Variants in SYK observed in about 807,000 individuals in gnomAD.
SYK encodes spleen associated tyrosine kinase, also known as tyrosine-protein kinase SYK.
A neutral mutation model predicts 77.8 loss-of-function variants in SYK; 16 were observed. That is an observed-to-expected ratio of 0.21 (90% CI 0.14 to 0.31). The LOEUF (loss-of-function observed/expected upper bound fraction) is 0.31, where lower values mean the gene tolerates loss of function less well. Ranked by LOEUF, SYK falls within the 10% of genes least tolerant of loss-of-function variation. SYK has a pLI of 1.00. For synonymous variants in SYK, 312 were observed against 308.7 expected, an observed-to-expected ratio of 1.01 and a Z score of -0.11; for missense variants, 529 against 814.4, an observed-to-expected ratio of 0.65 and a Z score of 4.26.
chr9:90,820,955 C>T (rs1825490857), intron 1 of SYK, among the ~76,000 whole-genome samples: 1 of 151,894 alleles, frequency 6.6e-6, no homozygotes, highest in Non-Finnish European at 1.5e-5. Flanking sequence ...TGCCAGATAC[C>T]CTAAATCATC....
chr9:90,823,245 A>G (rs1265508814), intron 1 of SYK, among the ~76,000 whole-genome samples: 2 of 152,262 alleles, frequency 1.3e-5, no homozygotes, highest in South Asian at 2.1e-4. Context: ...ACAACAGAGC[A>G]TCAAAATATG....
At chr9:90,892,941 C>T (rs1828851507) in intron 13 of SYK, among the ~76,000 whole-genome samples, 1 of 152,170 alleles carries the variant, frequency 6.6e-6, no homozygotes, top group Admixed American at 6.5e-5. Context: ...GTGAGATGTC[C>T]CCTGGCTCCC....
intron 3 of SYK, among the ~76,000 whole-genome samples, chr9:90,845,874 C>T (rs1649120302): frequency 6.6e-6 from 1 of 152,238 alleles, no homozygotes; most frequent in South Asian, 2.1e-4. Context: ...CCCATATTCT[C>T]CTTTTAATGG....
chr9:90,835,591 G>A (rs1174810828), intron 1 of SYK, among the ~76,000 whole-genome samples: 3 of 152,194 alleles, frequency 2.0e-5, no homozygotes, highest in Non-Finnish European at 4.4e-5. Context: ...ACGGGAAATG[G>A]AGGAGGAGAG....
At chr9:90,825,022 A>T (rs1397160651) in intron 1 of SYK, among the ~76,000 whole-genome samples, 4 of 152,128 alleles carry the variant, frequency 2.6e-5, no homozygotes, top group African/African-American at 7.2e-5. Flanking sequence ...AGGATGCTAG[A>T]TCAATATACA....
In SYK at chr9:90,806,735, T is replaced by C. The variant is rs76935537; in HGVS notation, c.-42+4842T>C. Reference sequence around the variant, plus strand: ...TTATTTATTTATTGTAGTATAGAACTTTTATGATTTCTTCCATCAGGGTGC... The same window carrying C: ...TTATTTATTTATTGTAGTATAGAACCTTTATGATTTCTTCCATCAGGGTGC... On this transcript the variant is annotated intron_variant, in intron 1 of 13. Transcript: ENST00000375754. Among the ~76,000 whole-genome samples, 157 of 152,350 alleles carry C rather than the reference T, an allele frequency of 1.0e-3. 3 individuals are homozygous for C. The East Asian group carries it at 0.022, about 22-fold the overall frequency.
intron 1 of SYK, among the ~76,000 whole-genome samples, chr9:90,822,954 C>T (rs1825566431): frequency 6.6e-6 from 1 of 152,180 alleles, no homozygotes. Context: ...AAGAGCTCCT[C>T]ATGGCCCTGG....
chr9:90,885,358 GGA>G (rs1294205439), intron 11 of SYK, among the ~76,000 whole-genome samples: 1 of 152,036 alleles, frequency 6.6e-6, no homozygotes, highest in African/African-American at 2.4e-5. Context: ...CAGAAATTCT[GGA>G]ACTAAAGATT....
At chr9:90,887,405 C>CTTTTTTTTTTT (rs3056951) in intron 11 of SYK, among the ~76,000 whole-genome samples, 3 of 128,938 alleles carry the variant, frequency 2.3e-5, no homozygotes, top group African/African-American at 2.9e-5. Context: ...TTCTTTCTTT[C>CTTTTTTTTTTT]TTTTTTTTTT....
intron 1 of SYK, among the ~76,000 whole-genome samples, chr9:90,832,540 A>G (rs990605288): frequency 6.6e-6 from 1 of 152,200 alleles, no homozygotes; most frequent in Non-Finnish European, 1.5e-5. Flanking sequence ...AGAAGCACAC[A>G]CTGGGCTCAG....
intron 7 of SYK, among the ~76,000 whole-genome samples, chr9:90,868,992 T>C (rs890025504): frequency 2.6e-5 from 4 of 152,206 alleles, no homozygotes; most frequent in Non-Finnish European, 5.9e-5. Context: ...AATATAATTT[T>C]AAGTGTAAAA....
intron 1 of SYK, among the ~76,000 whole-genome samples, chr9:90,838,436 C>T (rs1005772637): frequency 2.0e-5 from 3 of 152,188 alleles, no homozygotes; most frequent in Non-Finnish European, 4.4e-5. Flanking sequence ...CAGGACATTA[C>T]AGAAGATTAT....
rs1829076073 is a variant in SYK at position 90,898,373 on chromosome 9, G to A, written c.*2773G>A. The A allele has an allele frequency of 4.4e-6, 1 of 228,094 alleles. No individual in the cohort carries two copies. Among genetic ancestry groups the A allele is most frequent in the Non-Finnish European group, 8.7e-6 (1 of 114,900 alleles). 14.1% of individuals were successfully genotyped at this position (228,094 alleles called of 1,614,324 possible). ...TTGGACATCAGTCCAATGACTGCAA[G>A]TCGGCCTGGATTTTCACTTGCAGAG... On this transcript the variant is annotated 3_prime_UTR_variant, in exon 14 of 14. Transcript: ENST00000375754.
intron 1 of SYK, among the ~76,000 whole-genome samples, chr9:90,839,907 C>A (rs1864199): frequency 0.67 from 101,505 of 151,668 alleles, 34,272 homozygotes; most frequent in Middle Eastern, 0.71. Context: ...CACAGCATCC[C>A]GGTGCAGTCC....
At chr9:90,803,628 C>CT (rs1289388179) in intron 1 of SYK, among the ~76,000 whole-genome samples, 2 of 151,684 alleles carry the variant, frequency 1.3e-5, no homozygotes, top group East Asian at 1.9e-4. Context: ...AATCTCTCTG[C>CT]TTTTTTTTAA....
chr9:90,830,352 G>A (rs1442501462), intron 1 of SYK, among the ~76,000 whole-genome samples: 1 of 152,230 alleles, frequency 6.6e-6, no homozygotes, highest in Non-Finnish European at 1.5e-5. Flanking sequence ...TCAGTGTTGA[G>A]GCCACAGGTC....
chr9:90,820,058 G>T (rs1052620297), intron 1 of SYK, among the ~76,000 whole-genome samples: 1 of 152,208 alleles, frequency 6.6e-6, no homozygotes, highest in Non-Finnish European at 1.5e-5. Context: ...GATCTCCTTT[G>T]ACTCCAGGTC....
chr9:90,802,917 A>G (rs568255066), intron 1 of SYK, among the ~76,000 whole-genome samples: 1 of 152,074 alleles, frequency 6.6e-6, no homozygotes, highest in East Asian at 1.9e-4. Context: ...GAAGAAATGG[A>G]ATTGATTCTA....
intron 1 of SYK, among the ~76,000 whole-genome samples, chr9:90,828,705 C>T (rs985958419): frequency 2.0e-5 from 3 of 152,178 alleles, no homozygotes; most frequent in Admixed American, 6.5e-5. Context: ...GTTGCGTGTG[C>T]GTCCCTTCCC....
Sources: gnomAD v4.1 joint callset for allele counts (sites outside exome capture counted in the v4.1 genomes callset) on GRCh38, gnomAD v4.1.1 for gene constraint, MANE v1.5 for transcripts, NCBI Gene and HGNC (gene_info 2026-07-23, HGNC 2026-07-21) for gene names.